CLCNKB: variants seen among roughly 807,000 people sequenced by gnomAD.
CLCNKB encodes chloride voltage-gated channel Kb.
In CLCNKB, 74 loss-of-function variants were observed where a neutral mutation model predicts 83.8. The observed-to-expected ratio is 0.88, with a 90% CI of 0.73 to 1.07. The LOEUF (loss-of-function observed/expected upper bound fraction) is 1.07. Among genes scored for constraint, CLCNKB ranks in the 50% least tolerant of loss-of-function variants. The pLI is 0.00. For missense variants in CLCNKB, 798 were observed against 893.6 expected (o/e 0.89, Z 1.36); for synonymous variants, 358 against 356.6 (o/e 1.00, Z -0.04).
chr1:16,044,387 T>C, intron 1 of CLCNKB, 99 bp from the exon 2 acceptor site: 4 of 724,852 alleles, frequency 5.5e-6, no homozygotes, highest in East Asian at 3.1e-5. Flanking sequence ...ACGCACAATC[T>C]TTCCTCTTCA....
In CLCNKB at chr1:16,049,226, G is replaced by A. The variant is rs5260; in HGVS notation, c.762G>A (p.Ala254=). The A allele has an allele frequency of 2.1e-3, 3,455 of 1,613,678 alleles. 10 individuals are homozygous for A. Among genetic ancestry groups the A allele is most frequent in the South Asian group, 3.8e-3 (344 of 91,076 alleles). The change falls in exon 8 of 20, where the codon GCG becomes GCA. Residue 254 remains alanine (A), a synonymous_variant. Transcript: ENST00000375679. ...GGGCCTTCATGTTCCGGCTCCTGGC[G>A]GTCTTCAACAGCGAGCAGGGTGAGC... ...TCGAFMFRLL[A]VFNSEQETIT...
chr1:16,048,193 G>C, intron 5 of CLCNKB, 149 bp downstream of exon 5: 2 of 1,430,128 alleles, frequency 1.4e-6, no homozygotes, highest in Non-Finnish European at 1.9e-6. Context: ...AGGCAGGCCA[G>C]GTCCCCGGAG....
chr1:16,049,398 G>A (rs752350892), intron 8 of CLCNKB, among the ~76,000 whole-genome samples, 153 bp downstream of exon 8: 15 of 152,178 alleles, frequency 9.9e-5, no homozygotes, highest in Non-Finnish European at 2.1e-4. Flanking sequence ...GGAGGATGGA[G>A]GGGGCTGACC....
chr1:16,056,470 T>A lies in CLCNKB; in HGVS notation c.1978T>A (p.Ser660Thr), dbSNP rs2023444224. ...LLNLHSLFVT[S>T]RGRAVGCVSW... is the part of the protein sequence containing the mutation. ...GAACCTTCATTCCCTCTTTGTGACG[T>A]CGCGGGGCAGAGCTGTGGGCTGCGT... The change falls in exon 19 of 20, where the codon TCG (serine) becomes ACG (threonine). Residue 660 changes from serine to threonine, a missense_variant. By Grantham distance (58) the Ser-to-Thr change is moderately conservative. Transcript: ENST00000375679. 6.2e-7 allele frequency: 1 copy of A among 1,605,886 alleles called. No homozygotes were observed. Among genetic ancestry groups the A allele is most frequent in the South Asian group, 1.1e-5 (1 of 90,908 alleles).
intron 15 of CLCNKB, among the ~76,000 whole-genome samples, chr1:16,052,789 G>A (rs1263686127): frequency 6.6e-6 from 1 of 152,156 alleles, no homozygotes; most frequent in Non-Finnish European, 1.5e-5. Context: ...GGGACTTTGG[G>A]AGCAGGAGGT....
rs1412359668 is a variant in CLCNKB, at chr1:16,044,484, AG to A, written c.-5del. ...GGTCCCTCCCTCTATCCGCTTCTCC[AG>A]GGGCCTGATGGAGGAGTTTGTGGGG... On this transcript the variant is annotated splice_acceptor_variant, in intron 1 of 19. Coordinates refer to ENST00000375679, the MANE Select transcript of CLCNKB (RefSeq NM_000085.5). LOFTEE classifies it low-confidence loss of function (5UTR_SPLICE). The A allele has an allele frequency of 1.3e-6, 2 of 1,596,362 alleles. No homozygotes were observed. Among genetic ancestry groups the A allele is most frequent in the South Asian group, 1.1e-5 (1 of 87,494 alleles).
chr1:16,048,832 C>A, intron 7 of CLCNKB: 2 of 1,442,056 alleles, frequency 1.4e-6, no homozygotes, highest in South Asian at 3.0e-5. Flanking sequence ...ATGACCCTGG[C>A]CCGTTGGCCT....
chr1:16,048,487 G>A lies in CLCNKB; in HGVS notation c.577-17G>A, dbSNP rs760878891. On this transcript the variant is annotated splice_polypyrimidine_tract_variant and intron_variant, in intron 6 of 19. Coordinates refer to ENST00000375679, the MANE Select transcript of CLCNKB (RefSeq NM_000085.5). The stretch of plus-strand genomic sequence containing the variant: ...AGGGAGGGGGCTGACTCTGAGCCCT[G>A]GACTCGGATCCCCCAGAACAAGAGC... 6.2e-7 allele frequency: 1 copy of A among 1,613,184 alleles called. No homozygotes were observed. Among genetic ancestry groups the A allele is most frequent in the South Asian group, 1.1e-5 (1 of 91,046 alleles).
At chr1:16,044,211 G>A (rs537502221) in intron 1 of CLCNKB, among the ~76,000 whole-genome samples, 2 of 148,584 alleles carry the variant, frequency 1.3e-5, no homozygotes, top group South Asian at 2.3e-4. Context: ...CTTGGGCTCC[G>A]GCCTGTGCCC....
intron 1 of CLCNKB, 52 bp from the exon 2 acceptor site, chr1:16,044,434 G>T: frequency 6.8e-7 from 1 of 1,467,400 alleles, no homozygotes. Context: ...TAGAGGCAGT[G>T]CGAGGACGTG....
Position 16,051,056 on chromosome 1 carries a change from C to T in CLCNKB, c.1227+8C>T, listed in dbSNP as rs767602749. The stretch of plus-strand genomic sequence containing the variant: ...TTCTTCCTGGTTATGAAGGTGGGCC[C>T]CCTGGTCCCCAGGTGTGCACAGAGC... On this transcript the variant is annotated splice_region_variant and intron_variant, in intron 12 of 19. Coordinates refer to ENST00000375679, the MANE Select transcript of CLCNKB (RefSeq NM_000085.5). The T allele has an allele frequency of 1.2e-6, 2 of 1,613,904 alleles. No homozygotes were observed. Among genetic ancestry groups the T allele is most frequent in the East Asian group, 4.5e-5 (2 of 44,874 alleles).
chr1:16,049,921 G>A lies in CLCNKB; in HGVS notation c.968+5G>A, dbSNP rs776900398. ...CTCCAAACTGCTGGCCACCAGGTAGGCTCCGGGCTAAGGGCTGGGGACCTC... is the reference window on the plus strand; with the variant it reads ...CTCCAAACTGCTGGCCACCAGGTAGACTCCGGGCTAAGGGCTGGGGACCTC... On this transcript the variant is annotated splice_donor_5th_base_variant and intron_variant, in intron 10 of 19. Coordinates refer to ENST00000375679, the MANE Select transcript of CLCNKB (RefSeq NM_000085.5). The A allele has an allele frequency of 5.0e-6, 8 of 1,612,700 alleles. No homozygotes were observed. The highest frequency in any genetic ancestry group is 1.6e-4 in the Middle Eastern group (1 of 6,078).
chr1:16,051,109 G>C, intron 12 of CLCNKB, 61 bp downstream of exon 12: 1 of 1,610,830 alleles, frequency 6.2e-7, no homozygotes, highest in African/African-American at 1.3e-5. Flanking sequence ...GTGGTGGGGG[G>C]TACCTCATCG....
chr1:16,051,531 G>A lies in CLCNKB; in HGVS notation c.1281G>A (p.Met427Ile), dbSNP rs2023291691. 1 of 1,614,100 alleles carries A rather than the reference G, an allele frequency of 6.2e-7. No homozygotes were observed. The highest frequency in any genetic ancestry group is 1.7e-5 in the Admixed American group (1 of 60,024). ...TCCCCATGCCTGCCGGGTACTTCAT[G>A]CCCATCTTTGTCTATGGTGAGTCTG... Reference protein sequence around the residue: ...TTIPMPAGYFMPIFVYGAAIG... With the variant: ...TTIPMPAGYFIPIFVYGAAIG... The change falls in exon 13 of 20, where the codon ATG (methionine) becomes ATA (isoleucine). Residue 427 changes from methionine (M) to isoleucine (I), a missense_variant. Transcript: ENST00000375679.
chr1:16,044,732 G>A (rs2124081716), intron 2 of CLCNKB, 140 bp downstream of exon 2: 1 of 738,094 alleles, frequency 1.4e-6, no homozygotes, highest in South Asian at 1.7e-5. Context: ...AAGTCTCCTG[G>A]GTGGCAGGGA....
chr1:16,053,342 C>T (rs1463360194), intron 15 of CLCNKB, among the ~76,000 whole-genome samples: 1 of 152,080 alleles, frequency 6.6e-6, no homozygotes, highest in East Asian at 1.9e-4. Context: ...ATACTTTTTA[C>T]TCAAATTAAA....
chr1:16,047,866 G>A (rs1169742665), intron 4 of CLCNKB, 39 bp from the exon 5 acceptor site: 4 of 1,609,546 alleles, frequency 2.5e-6, no homozygotes, highest in Non-Finnish European at 2.5e-6. Flanking sequence ...TTTTAACCTA[G>A]AGATTGTCCC....
chr1:16,050,835 G>A, intron 11 of CLCNKB, 40 bp from the exon 12 acceptor site: 2 of 1,609,376 alleles, frequency 1.2e-6, no homozygotes, highest in Non-Finnish European at 1.7e-6. Context: ...GTCTGCCGCT[G>A]GGGGCCCCTC....
intron 16 of CLCNKB, among the ~76,000 whole-genome samples, 159 bp downstream of exon 16, chr1:16,053,931 A>G (rs2023369816): frequency 6.6e-6 from 1 of 152,126 alleles, no homozygotes; most frequent in Non-Finnish European, 1.5e-5. Context: ...CAGTTTCCTC[A>G]TCAGTAAAAT....
Sources: allele counts gnomAD v4.1 joint callset (sites outside exome capture counted in the v4.1 genomes callset), GRCh38; gene constraint gnomAD v4.1.1; transcripts MANE v1.5; gene names NCBI Gene and HGNC (gene_info 2026-07-23, HGNC 2026-07-21).